GRIA3: variants seen among roughly 807,000 people sequenced by gnomAD.
The protein encoded by GRIA3 is glutamate receptor 3.
In GRIA3, 3 loss-of-function variants were observed where a neutral mutation model predicts 63.0. That is an observed-to-expected ratio of 0.05 (90% CI 0.02 to 0.12). GRIA3 has a LOEUF of 0.12. GRIA3 is among the 10% of genes least tolerant of loss of function. The pLI is 1.00. For synonymous variants in GRIA3, 274 were observed against 257.9 expected (o/e 1.06, Z -0.60); for missense variants, 347 against 700.9 (o/e 0.50, Z 5.70).
chrX:123,438,238 A>G (rs906304690), intron 12 of GRIA3, among the ~76,000 whole-genome samples: 2 of 112,279 alleles, frequency 1.8e-5, no homozygotes, highest in Non-Finnish European at 3.8e-5. Flanking sequence ...TAAATGGAAC[A>G]ATATGTCCTT....
intron 2 of GRIA3, among the ~76,000 whole-genome samples, chrX:123,195,802 C>T (rs1390255275): frequency 1.8e-5 from 2 of 111,681 alleles, no homozygotes; most frequent in East Asian, 5.6e-4. Context: ...AAAAGCTCTT[C>T]TCAGTAAAAA....
intron 2 of GRIA3, among the ~76,000 whole-genome samples, chrX:123,186,584 TGA>T (rs775223867): frequency 9.0e-6 from 1 of 111,641 alleles, no homozygotes; most frequent in South Asian, 3.9e-4. Context: ...CCTTACTTAC[TGA>T]GAGAGCTCTG....
intron 3 of GRIA3, among the ~76,000 whole-genome samples, chrX:123,311,250 T>C (rs574148047): frequency 8.9e-6 from 1 of 111,771 alleles, no homozygotes; most frequent in South Asian, 3.7e-4. Context: ...CTTTCTCCTA[T>C]GGGCAAAGAA....
At chrX:123,211,607 G>A (rs1192972233) in intron 2 of GRIA3, among the ~76,000 whole-genome samples, 1 of 111,119 alleles carries the variant, frequency 9.0e-6, no homozygotes, top group Non-Finnish European at 1.9e-5. Context: ...TTGCACACAG[G>A]AGCTCTCTTG....
chrX:123,260,643 T>C (rs909015844), intron 3 of GRIA3, among the ~76,000 whole-genome samples: 3 of 107,623 alleles, frequency 2.8e-5, no homozygotes, highest in Non-Finnish European at 3.8e-5. Flanking sequence ...CCAATTCTGA[T>C]TGTGTCCATT....
intron 3 of GRIA3, among the ~76,000 whole-genome samples, chrX:123,279,404 G>C (rs2044572746): frequency 8.9e-6 from 1 of 111,733 alleles, no homozygotes; most frequent in Non-Finnish European, 1.9e-5. Context: ...TAATAAATTT[G>C]TTAATTAGCT....
intron 2 of GRIA3, among the ~76,000 whole-genome samples, chrX:123,217,571 T>C (rs974866539): frequency 8.9e-6 from 1 of 112,214 alleles, no homozygotes; most frequent in Non-Finnish European, 1.9e-5. Context: ...ATTTCATGTC[T>C]TGTTTCCTCA....
In GRIA3 at chrX:123,458,976, T is replaced by C. The variant is rs1359629672; in HGVS notation, c.2077-5889T>C. 2.7e-5 allele frequency among the ~76,000 whole-genome samples: 3 copies of C among 112,027 alleles called. No homozygotes were observed. The Admixed American group carries it at 2.8e-4, about 11-fold the overall frequency. On this transcript the variant is annotated intron_variant, in intron 12 of 15. Transcript: ENST00000620443. ...GTAAATATGGCACTGAAGTAATTTA[T>C]AATACCATTAAAATAAATTCTGTCA...
chrX:123,281,040 A>G (rs2044583197), intron 3 of GRIA3, among the ~76,000 whole-genome samples: 1 of 111,690 alleles, frequency 9.0e-6, no homozygotes, highest in African/African-American at 3.3e-5. Flanking sequence ...TTTTCAGCAC[A>G]TGCAATATCC....
At chrX:123,455,248 C>T (rs1389527147) in intron 12 of GRIA3, among the ~76,000 whole-genome samples, 1 of 111,774 alleles carries the variant, frequency 8.9e-6, no homozygotes, top group East Asian at 2.8e-4. Context: ...AGTCTCATGA[C>T]AGCTGCTGAT....
rs997278461 is a variant in GRIA3 at position 123,250,437 on chromosome X, T to C, written c.269-2866T>C. 5.4e-5 allele frequency among the ~76,000 whole-genome samples: 6 copies of C among 111,603 alleles called. No individual in the cohort carries two copies. The East Asian group carries it at 1.4e-3, about 26-fold the overall frequency. ...CTGTTTCCTTCCACTATTTCAAGAG[T>C]TTTTGAAACTGAAAGTGGATCATGG... On this transcript the variant is annotated intron_variant, in intron 2 of 15. Transcript: ENST00000620443.
At chrX:123,465,920 A>G in intron 13 of GRIA3, 1 of 562,617 alleles carries the variant, frequency 1.8e-6, no homozygotes, top group Non-Finnish European at 3.1e-6. Context: ...CCTGCCTGGC[A>G]GCTTTGGGAA....
At chrX:123,402,146 A>C (rs1326333106) in intron 7 of GRIA3, among the ~76,000 whole-genome samples, 1 of 110,400 alleles carries the variant, frequency 9.1e-6, no homozygotes, top group African/African-American at 3.3e-5. Context: ...AGGCTTAATA[A>C]ATTTCATCAG....
intron 3 of GRIA3, among the ~76,000 whole-genome samples, chrX:123,299,061 G>A (rs2044703600): frequency 9.1e-6 from 1 of 110,267 alleles, no homozygotes; most frequent in Non-Finnish European, 1.9e-5. Context: ...TTTCTGGGTT[G>A]TCTATTCTGT....
At chrX:123,414,514 C>T (rs183909224) in intron 10 of GRIA3, among the ~76,000 whole-genome samples, 2,135 of 111,095 alleles carry the variant, frequency 0.019, 38 homozygotes, top group African/African-American at 0.066. Context: ...TGTTGGTTTG[C>T]TGCACCAATC....
chrX:123,419,932 T>C (rs1175308520), intron 11 of GRIA3, among the ~76,000 whole-genome samples: 1 of 111,734 alleles, frequency 8.9e-6, no homozygotes, highest in Non-Finnish European at 1.9e-5. Context: ...TACACTTGTA[T>C]TGGTGAATTT....
intron 2 of GRIA3, among the ~76,000 whole-genome samples, chrX:123,221,343 C>T (rs996640705): frequency 1.2e-4 from 13 of 111,940 alleles, no homozygotes; most frequent in African/African-American, 4.2e-4. Flanking sequence ...CAACTCCTCA[C>T]GTTAAAATGA....
intron 2 of GRIA3, among the ~76,000 whole-genome samples, chrX:123,206,278 C>T (rs113352046): frequency 8.9e-6 from 1 of 111,851 alleles, no homozygotes; most frequent in Admixed American, 9.5e-5. Flanking sequence ...CAGAATGGGC[C>T]GTGCTTTGCC....
chrX:123,343,380 C>G (rs73229284), intron 4 of GRIA3, among the ~76,000 whole-genome samples: 4 of 111,209 alleles, frequency 3.6e-5, no homozygotes, highest in African/African-American at 1.3e-4. Context: ...CTGGTTCTAT[C>G]CCCTGCATGT....
Sources: allele counts gnomAD v4.1 joint callset (sites outside exome capture counted in the v4.1 genomes callset), GRCh38; gene constraint gnomAD v4.1.1; transcripts MANE v1.5; gene names NCBI Gene and HGNC (gene_info 2026-07-23, HGNC 2026-07-21).